CXCR4: variants seen among roughly 807,000 people sequenced by gnomAD.
CXCR4 encodes C-X-C chemokine receptor type 4.
In CXCR4, 6 loss-of-function variants were observed where a neutral mutation model predicts 22.4. That is an observed-to-expected ratio of 0.27 (90% confidence interval 0.15 to 0.53). The LOEUF is 0.53. CXCR4 is among the 20% of genes least tolerant of loss of function. The probability of loss-of-function intolerance (pLI) is 0.96; values close to 1 mark genes in which losing one functional copy is unlikely to be tolerated. For missense variants in CXCR4, 300 were observed against 430.4 expected (o/e 0.70, Z 2.68); for synonymous variants, 155 against 171.7 (o/e 0.90, Z 0.76).
In CXCR4 at chr2:136,115,340, C is replaced by T. The variant is rs781172058; in HGVS notation, c.588G>A (p.Val196=). 6.2e-7 allele frequency: 1 copy of T among 1,614,182 alleles called. No homozygotes were observed. The highest frequency in any genetic ancestry group is 1.1e-5 in the South Asian group (1 of 91,074). ...TGATGTGCTGAAACTGGAACACAAC[C>T]ACCCACAAGTCATTGGGGTAGAAGC... ...CDRFYPNDLW[V]VVFQFQHIMV... Residue 196 remains valine (V), a synonymous_variant, in exon 2 of 2, where the codon GTG becomes GTA. Transcript: ENST00000241393. The surrounding 1 kb of genome is among the most constrained non-coding windows in gnomAD (Gnocchi z 6.4).
At chr2:136,117,597 C>G (rs528837403) in intron 1 of CXCR4, 2 of 166,686 alleles carry the variant, frequency 1.2e-5, no homozygotes, top group East Asian at 1.9e-4. Context: ...CTCCTGGGAA[C>G]TCAGCCCAGG....
In CXCR4 at chr2:136,114,961, C is replaced by T. The variant is rs1684840909; in HGVS notation, c.967G>A (p.Gly323Arg). The T allele has an allele frequency of 1.2e-6, 2 of 1,613,868 alleles. No individual in the cohort carries two copies. The highest frequency in any genetic ancestry group is 1.7e-6 in the Non-Finnish European group (2 of 1,179,904). The change falls in exon 2 of 2, where the codon GGG becomes AGG. Residue 323 changes from glycine (G) to arginine (R), a missense_variant. By Grantham distance (125) the Gly-to-Arg change is moderately radical. Around this residue, in one of 3 missense-constraint regions of CXCR4, gnomAD observed 45 missense variants for 89.1 expected, o/e 0.51. Coordinates refer to ENST00000241393, the MANE Select transcript of CXCR4 (RefSeq NM_003467.3). ...TTGGAGAGGATCTTGAGGCTGGACC[C>T]TCTGCTCACAGAGGTGAGTGCGTGC... ...AQHALTSVSR[G>R]SSLKILSKGK... is the part of the protein sequence containing the mutation.
Position 136,114,922 on chromosome 2 carries a change from C to A in CXCR4, c.1006G>T (p.Gly336Ter), listed in dbSNP as rs2104915575. 1 of 1,612,132 alleles carries A rather than the reference C, an allele frequency of 6.2e-7. No individual in the cohort carries two copies. The highest frequency in any genetic ancestry group is 8.5e-7 in the Non-Finnish European group (1 of 1,178,900). The change falls in exon 2 of 2, where the codon GGA becomes TGA. Residue 336 changes from glycine (G) to a stop codon, truncating the protein, a stop_gained. Transcript: ENST00000241393. LOFTEE classifies it high-confidence loss of function. The part of the protein sequence containing the change: ...LKILSKGKRG[G>*]HSSVSTESES... ...GACTCAGTGGAAACAGATGAATGTC[C>A]ACCTCGCTTTCCTTTGGAGAGGATC...
intron 1 of CXCR4, among the ~76,000 whole-genome samples, chr2:136,117,292 AAC>A (rs1684925585): frequency 6.6e-6 from 1 of 152,062 alleles, no homozygotes; most frequent in African/African-American, 2.4e-5. Context: ...CACGACCCCA[AAC>A]TCTCGAACTG....
Position 136,117,869 on chromosome 2 carries a change from T to TCCTCCCC in CXCR4, c.15+176_15+177insGGGGAGG. On this transcript the variant is annotated intron_variant, in intron 1 of 1. Coordinates refer to ENST00000241393, the MANE Select transcript of CXCR4 (RefSeq NM_003467.3). ...ACAGAGAAAAAGATTCCAATCCTGC[T>TCCTCCCC]CCCCCCCCACCCACCCGCACTATAT... 7 of 170,810 alleles carry TCCTCCCC rather than the reference T, an allele frequency of 4.1e-5. 1 individual carries two copies. Among genetic ancestry groups the TCCTCCCC allele is most frequent in the Admixed American group, 7.9e-5 (1 of 12,712 alleles). 10.6% of individuals were successfully genotyped at this position (170,810 alleles called of 1,614,324 possible). A position where few individuals can be genotyped will look rare whatever the true frequency, so the allele number is the denominator to read the frequency against.
In CXCR4 at chr2:136,115,139, G is replaced by A. The variant is rs752782190; in HGVS notation, c.789C>T (p.Ser263=). Residue 263 remains serine, a synonymous_variant, in exon 2 of 2, where the codon TCC becomes TCT. Coordinates refer to ENST00000241393, the MANE Select transcript of CXCR4 (RefSeq NM_003467.3). This position sits in a 1 kb window ranked among gnomAD's most constrained non-coding sequence, Gnocchi z 6.4. The part of the protein sequence containing the change: ...LPYYIGISID[S]FILLEIIKQG... ...GCTTGATGATTTCCAGGAGGATGAA[G>A]GAGTCGATGCTGATCCCAATGTAGT... 5.0e-6 allele frequency: 8 copies of A among 1,614,212 alleles called. No homozygotes were observed. Among genetic ancestry groups the A allele is most frequent in the Middle Eastern group, 1.7e-4 (1 of 6,060 alleles).
Position 136,116,667 on chromosome 2 carries a change from C to T in CXCR4, c.16-755G>A, listed in dbSNP as rs117273229. Among the ~76,000 whole-genome samples the T allele has an allele frequency of 0.012, 1,900 of 152,262 alleles. 87 individuals are homozygous for T. Among genetic ancestry groups the T allele is most frequent in the Admixed American group, 0.08 (1,220 of 15,294 alleles). On this transcript the variant is annotated intron_variant, in intron 1 of 1. Coordinates refer to ENST00000241393, the MANE Select transcript of CXCR4 (RefSeq NM_003467.3). ...TGTTTATCACTTGGCGCGTTTGGGACGTTAGGGAGCGGGGCATTTTCCTGG... is the reference window on the plus strand; with the variant it reads ...TGTTTATCACTTGGCGCGTTTGGGATGTTAGGGAGCGGGGCATTTTCCTGG...
At chr2:136,117,801 T>C (rs1684957593) in intron 1 of CXCR4, 1 of 512,434 alleles carries the variant, frequency 2.0e-6, no homozygotes, top group Non-Finnish European at 3.4e-6. Flanking sequence ...GGGAGACACA[T>C]GCAGCCACTG....
In CXCR4 at chr2:136,115,799, G is replaced by T; in HGVS notation, c.129C>A (p.Thr43=). ...CAGTTAAGAAGATGATGGAGTAGAT[G>T]GTGGGCAGGAAGATTTTATTGAAAT... is the stretch of plus-strand genomic sequence containing the variant. ...NANFNKIFLP[T]IYSIIFLTGI... is the part of the protein sequence containing the mutation. The change falls in exon 2 of 2, where the codon ACC becomes ACA. Residue 43 remains threonine, a synonymous_variant. Coordinates refer to ENST00000241393, the MANE Select transcript of CXCR4 (RefSeq NM_003467.3). This position sits in a 1 kb window ranked among gnomAD's most constrained non-coding sequence, Gnocchi z 6.4. 6.2e-7 allele frequency: 1 copy of T among 1,614,162 alleles called. No homozygotes were observed. Among genetic ancestry groups the T allele is most frequent in the Non-Finnish European group, 8.5e-7 (1 of 1,180,016 alleles).
Position 136,115,663 on chromosome 2 carries a change from T to C in CXCR4, c.265A>G (p.Ile89Val), listed in dbSNP as rs1454261903. The C allele has an allele frequency of 6.2e-7, 1 of 1,614,092 alleles. No individual in the cohort carries two copies. Among genetic ancestry groups the C allele is most frequent in the Non-Finnish European group, 8.5e-7 (1 of 1,180,040 alleles). ...TCAACTGCCCAGAAGGGAAGCGTGA[T>C]GACAAAGAGGAGGTCGGCCACTGAC... ...HLSVADLLFV[I>V]TLPFWAVDAV... is the part of the protein sequence containing the mutation. Residue 89 changes from isoleucine (I) to valine (V), a missense_variant, in exon 2 of 2, where the codon ATC (isoleucine) becomes GTC (valine). Transcript: ENST00000241393. This position sits in a 1 kb window ranked among gnomAD's most constrained non-coding sequence, Gnocchi z 6.4.
At chr2:136,117,905 A>T in intron 1 of CXCR4, 141 bp downstream of exon 1, 1 of 371,114 alleles carries the variant, frequency 2.7e-6, no homozygotes, top group Non-Finnish European at 5.1e-6. Context: ...AGGCATGGTC[A>T]AGAAAACTCC....
chr2:136,116,257 G>GA (rs933409514), intron 1 of CXCR4: 3,162 of 1,072,306 alleles, frequency 2.9e-3, no homozygotes, highest in East Asian at 5.6e-3. Context: ...TCCTTAGGAG[G>GA]AAAAAAAAAA....
chr2:136,114,539 T>C lies in CXCR4; in HGVS notation c.*330A>G, dbSNP rs1309659643. 7.6e-6 allele frequency: 2 copies of C among 262,762 alleles called. No homozygotes were observed. Among genetic ancestry groups the C allele is most frequent in the East Asian group, 1.2e-4 (2 of 17,192 alleles). The allele number at this position is 262,762 out of a possible 1,614,324, so 16.3% of individuals were successfully genotyped here. ...AAACGTTCCACGGGAATGGAGAGATTATCTATGCATAAACAGCTGGGGATC... is the reference window on the plus strand; with the variant it reads ...AAACGTTCCACGGGAATGGAGAGATCATCTATGCATAAACAGCTGGGGATC... On this transcript the variant is annotated 3_prime_UTR_variant, in exon 2 of 2. Coordinates refer to ENST00000241393, the MANE Select transcript of CXCR4 (RefSeq NM_003467.3).
intron 1 of CXCR4, 55 bp downstream of exon 1, chr2:136,117,991 C>T (rs1415716193): frequency 2.5e-6 from 4 of 1,590,698 alleles, no homozygotes; most frequent in Non-Finnish European, 3.4e-6. Context: ...AGGGGCTGCG[C>T]TCTAAGTTCA....
At chr2:136,117,869 T>TCCTCCCCCCCCCCCCC in intron 1 of CXCR4, 177 bp downstream of exon 1, 2 of 170,810 alleles carry the variant, frequency 1.2e-5, no homozygotes, top group South Asian at 7.0e-5. Context: ...CCAATCCTGC[T>TCCTCCCCCCCCCCCCC]CCCCCCCCAC....
chr2:136,118,093 C>CT lies in CXCR4; in HGVS notation c.-34dup, dbSNP rs1421602085. ...GCTGGTTCTCCAGATGCGGTGGCTA[C>CT]TGGAGCACTCAGGCCCTCGGCGTCA... On this transcript the variant is annotated 5_prime_UTR_variant, in exon 1 of 2. Transcript: ENST00000241393. 4 of 1,612,716 alleles carry CT rather than the reference C, an allele frequency of 2.5e-6. No homozygotes were observed. In the East Asian group the frequency reaches 8.9e-5, roughly 36 times the overall value.
chr2:136,117,920 G>A (rs1684962875), intron 1 of CXCR4, 126 bp downstream of exon 1: 1 of 483,356 alleles, frequency 2.1e-6, no homozygotes, highest in Non-Finnish European at 3.6e-6. Flanking sequence ...AACTCCTTTC[G>A]GTGACCCTTT....
chr2:136,114,657 G>T lies in CXCR4; in HGVS notation c.*212C>A. The T allele has an allele frequency of 2.2e-6, 1 of 453,288 alleles. No individual in the cohort carries two copies. Among genetic ancestry groups the T allele is most frequent in the Non-Finnish European group, 3.9e-6 (1 of 256,196 alleles). The allele number at this position is 453,288 out of a possible 1,614,324, so 28.1% of individuals were successfully genotyped here. A position where few individuals can be genotyped will look rare whatever the true frequency, so the allele number is the denominator to read the frequency against. ...CGAGACATACAGCAACTAAGAACTTGGCCACAGGTCCTGCCTAGACACACA... is the reference window on the plus strand; with the variant it reads ...CGAGACATACAGCAACTAAGAACTTTGCCACAGGTCCTGCCTAGACACACA... On this transcript the variant is annotated 3_prime_UTR_variant, in exon 2 of 2. Coordinates refer to ENST00000241393, the MANE Select transcript of CXCR4 (RefSeq NM_003467.3).
chr2:136,114,841 G>C lies in CXCR4; in HGVS notation c.*28C>G. 1 of 1,557,822 alleles carries C rather than the reference G, an allele frequency of 6.4e-7. No homozygotes were observed. The highest frequency in any genetic ancestry group is 8.7e-7 in the Non-Finnish European group (1 of 1,145,976). ...GTAACTTAAAAAAAAGTTATTTATC[G>C]TATAAAAAAAAGTCTTTTACATCTG... On this transcript the variant is annotated 3_prime_UTR_variant, in exon 2 of 2. Transcript: ENST00000241393.
Sources: gnomAD v4.1 joint callset for allele counts (sites outside exome capture counted in the v4.1 genomes callset) on GRCh38, gnomAD v4.1.1 for gene constraint, gnomAD v4.1.1 regional missense constraint, Gnocchi (gnomAD v3.1) non-coding constraint, MANE v1.5 for transcripts, NCBI Gene and HGNC (gene_info 2026-07-23, HGNC 2026-07-21) for gene names.